Variants in IFT172 observed in about 807,000 individuals in gnomAD.
IFT172 encodes the protein intraflagellar transport 172, also known as intraflagellar transport protein 172 homolog.
A neutral mutation model predicts 248.9 loss-of-function variants in IFT172; 164 were observed. The ratio of observed to expected loss-of-function variants is 0.66; its 90% CI spans 0.58 to 0.75. The LOEUF is 0.75. IFT172 is among the 30% of genes least tolerant of loss of function. IFT172 has a pLI of 0.00. For missense variants in IFT172, 1,950 were observed against 2,192.4 expected (o/e 0.89, Z 2.21); for synonymous variants, 729 against 791.6 (o/e 0.92, Z 1.33).
chr2:27,481,002 C>A, intron 8 of IFT172, 44 bp downstream of exon 8: 1 of 1,492,466 alleles, frequency 6.7e-7, no homozygotes, highest in South Asian at 1.1e-5. Flanking sequence ...AGAGAGTGTT[C>A]GCAGGGAAAG....
intron 29 of IFT172, among the ~76,000 whole-genome samples, chr2:27,457,245 G>A (rs1014043195): frequency 3.9e-5 from 6 of 152,100 alleles, no homozygotes; most frequent in Non-Finnish European, 8.8e-5. Context: ...TTTCAAAGAT[G>A]CTCTGACCAA....
At chr2:27,471,304 T>C in intron 15 of IFT172, 1 of 422,970 alleles carries the variant, frequency 2.4e-6, no homozygotes, top group Non-Finnish European at 4.1e-6. Flanking sequence ...AAGATCTACA[T>C]CCCAGGAATT....
At chr2:27,449,454 A>G (rs368063636) in intron 38 of IFT172, 45 bp downstream of exon 38, 1 of 1,613,916 alleles carries the variant, frequency 6.2e-7, no homozygotes, top group Non-Finnish European at 8.5e-7. Flanking sequence ...GAGTCTTGTG[A>G]GTCTCTCCCT....
intron 36 of IFT172, 43 bp downstream of exon 36, chr2:27,449,955 C>A: frequency 6.4e-7 from 1 of 1,552,516 alleles, no homozygotes; most frequent in South Asian, 1.1e-5. Flanking sequence ...TTGCACCCAT[C>A]TCTGTGAAAT....
chr2:27,478,153 T>C lies in IFT172; in HGVS notation c.1009A>G (p.Ile337Val), dbSNP rs774559020. The C allele has an allele frequency of 3.7e-6, 6 of 1,614,078 alleles. No homozygotes were observed. In the Admixed American group the frequency reaches 1.0e-4, roughly 27 times the overall value. The change falls in exon 11 of 48, where the codon ATT becomes GTT. Residue 337 changes from isoleucine to valine, a missense_variant. Coordinates refer to ENST00000260570, the MANE Select transcript of IFT172 (RefSeq NM_015662.3). The part of the protein sequence containing the change: ...ELTYVGPSQV[I>V]VKNLSSGTRV... ...GTTCCTGATGACAGGTTCTTCACAA[T>C]CACCTTGGTAAAGGACAAGTGTGAG...
rs746827700 is a variant in IFT172, at chr2:27,447,530, C to T, written c.4644G>A (p.Gln1548=). The change falls in exon 42 of 48, where the codon CAG becomes CAA. Residue 1548 remains glutamine (Q), a synonymous_variant. Transcript: ENST00000260570. The part of the protein sequence containing the change: ...AHYYATRSAA[Q]SVKQLETVAA... ...TACATCTCACCAGCTGTTTGACACT[C>T]TGGGCTGCAGAGCGCGTGGCATAGT... 6.2e-7 allele frequency: 1 copy of T among 1,614,104 alleles called. No homozygotes were observed. Among genetic ancestry groups the T allele is most frequent in the Non-Finnish European group, 8.5e-7 (1 of 1,179,968 alleles).
In IFT172 at chr2:27,459,766, T is replaced by TC. The variant is rs1489674192; in HGVS notation, c.2584dup (p.Asp862GlyfsTer10). 3.7e-6 allele frequency: 6 copies of TC among 1,612,548 alleles called. No individual in the cohort carries two copies. The African/African-American group carries it at 4.0e-5, about 11-fold the overall frequency. On this transcript the variant is annotated frameshift_variant, in exon 24 of 48. Coordinates refer to ENST00000260570, the MANE Select transcript of IFT172 (RefSeq NM_015662.3). LOFTEE classifies it high-confidence loss of function. ...AAGCTGCTTCTGCTGCACCAGGTGGTCCCCCCATGCCTCCTCTAGTTTCAC... is the reference window on the plus strand; with the variant it reads ...AAGCTGCTTCTGCTGCACCAGGTGGTCCCCCCCATGCCTCCTCTAGTTTCAC...
intron 14 of IFT172, among the ~76,000 whole-genome samples, chr2:27,472,708 C>T (rs1470253259): frequency 6.6e-6 from 1 of 152,202 alleles, no homozygotes; most frequent in African/African-American, 2.4e-5. Flanking sequence ...GTCATATGCT[C>T]TAAGAAGTCA....
rs1022355035 is a variant in IFT172, at chr2:27,462,771, T to G, written c.2045A>C (p.Tyr682Ser). 4.3e-6 allele frequency: 7 copies of G among 1,614,040 alleles called. No homozygotes were observed. The highest frequency in any genetic ancestry group is 5.9e-6 in the Non-Finnish European group (7 of 1,180,024). ...REYGGEGTDF[Y>S]QVRARLAMLE... ...CATGGCTAGACGTGCTCGGACCTGA[T>G]AAAAGTCTGTTCCTTCTCCGCCCTG... Residue 682 changes from tyrosine to serine, a missense_variant, in exon 20 of 48, where the codon TAT becomes TCT. Physicochemically the swap from Tyr to Ser is moderately radical, Grantham distance 144. Coordinates refer to ENST00000260570, the MANE Select transcript of IFT172 (RefSeq NM_015662.3).
chr2:27,445,282 G>T lies in IFT172; in HGVS notation c.5068+14C>A. ...TACCCACCACAGGATCTGGGGTGCT[G>T]TAGGCTTCTATACCTGTAATAAGGC... On this transcript the variant is annotated intron_variant, in intron 46 of 47. Coordinates refer to ENST00000260570, the MANE Select transcript of IFT172 (RefSeq NM_015662.3). The surrounding 1 kb of genome is among the most constrained non-coding windows in gnomAD (Gnocchi z 4.4). The T allele has an allele frequency of 6.2e-7, 1 of 1,605,014 alleles. No individual in the cohort carries two copies. Among genetic ancestry groups the T allele is most frequent in the Non-Finnish European group, 8.5e-7 (1 of 1,174,282 alleles).
Position 27,471,010 on chromosome 2 carries a change from A to G in IFT172, c.1610T>C (p.Val537Ala). ...SYMQWVPGSD[V>A]LVAQNRNSLC... ...ACTGTTTCGGTTCTGAGCTACCAGC[A>G]CGTCACTTCCTGGGACCCACTGCAT... is the stretch of plus-strand genomic sequence containing the variant. Residue 537 changes from valine to alanine, a missense_variant, in exon 16 of 48, where the codon GTG becomes GCG. Transcript: ENST00000260570. 6.2e-7 allele frequency: 1 copy of G among 1,614,074 alleles called. No individual in the cohort carries two copies. Among genetic ancestry groups the G allele is most frequent in the Non-Finnish European group, 8.5e-7 (1 of 1,179,990 alleles).
chr2:27,461,566 T>G, intron 21 of IFT172, 49 bp from the exon 22 acceptor site: 3 of 1,600,198 alleles, frequency 1.9e-6, no homozygotes, highest in Non-Finnish European at 2.6e-6. Context: ...CTTCCTACCC[T>G]TCTGCCTCCC....
At chr2:27,447,788 G>A (rs755968742) in intron 41 of IFT172, 24 bp downstream of exon 41, 45 of 1,587,644 alleles carry the variant, frequency 2.8e-5, no homozygotes, top group African/African-American at 1.1e-4. Flanking sequence ...AAGGACAGAC[G>A]GAGCAGCCCT....
chr2:27,468,086 G>A (rs1667248573), intron 16 of IFT172, among the ~76,000 whole-genome samples: 1 of 151,628 alleles, frequency 6.6e-6, no homozygotes, highest in Non-Finnish European at 1.5e-5. Context: ...CTTAAACCCG[G>A]GAGGAAGAGG....
intron 15 of IFT172, chr2:27,471,303 A>C: frequency 2.3e-6 from 1 of 427,672 alleles, no homozygotes. Flanking sequence ...AAAGATCTAC[A>C]TCCCAGGAAT....
intron 19 of IFT172, 78 bp downstream of exon 19, chr2:27,463,019 G>T: frequency 1.3e-6 from 2 of 1,507,992 alleles, no homozygotes; most frequent in Admixed American, 1.7e-5. Flanking sequence ...TGGCTGGAAA[G>T]CTAGGAATCA....
At chr2:27,450,264 T>A (rs1665537877) in intron 35 of IFT172, among the ~76,000 whole-genome samples, 168 bp from the exon 36 acceptor site, 1 of 152,176 alleles carries the variant, frequency 6.6e-6, no homozygotes, top group African/African-American at 2.4e-5. Context: ...GTCCATTAGA[T>A]CCTTTGATTA....
intron 18 of IFT172, 63 bp downstream of exon 18, chr2:27,465,348 A>C: frequency 7.2e-7 from 1 of 1,391,840 alleles, no homozygotes; most frequent in Non-Finnish European, 1.0e-6. Context: ...GCCCACAGGG[A>C]AAATACTCAT....
rs1472183729 is a variant in IFT172 at position 27,454,675 on chromosome 2, G to A, written c.3372-15C>T. On this transcript the variant is annotated splice_polypyrimidine_tract_variant and intron_variant, in intron 30 of 47. Coordinates refer to ENST00000260570, the MANE Select transcript of IFT172 (RefSeq NM_015662.3). The surrounding 1 kb of genome is among the most constrained non-coding windows in gnomAD (Gnocchi z 4.2). The stretch of plus-strand genomic sequence containing the variant: ...ATTCAAAGGAGCTGAAACAGAAAGT[G>A]CAGATAAAGTTTTCTTGCTTCATGC... The A allele has an allele frequency of 3.1e-6, 5 of 1,612,056 alleles. No homozygotes were observed. The African/African-American group carries it at 5.3e-5, about 17-fold the overall frequency.
Sources: allele counts gnomAD v4.1 joint callset (sites outside exome capture counted in the v4.1 genomes callset), GRCh38; gene constraint gnomAD v4.1.1; non-coding constraint Gnocchi (gnomAD v3.1); transcripts MANE v1.5; gene names NCBI Gene and HGNC (gene_info 2026-07-23, HGNC 2026-07-21).